The following INTS8 variants were observed in gnomAD, a reference collection of about 807,000 sequenced individuals.
INTS8 encodes protein kaonashi-1.
A neutral mutation model predicts 138.9 loss-of-function variants in INTS8; 47 were observed. The observed-to-expected ratio is 0.34, with a 90% CI of 0.27 to 0.43. INTS8 has a LOEUF of 0.43. INTS8 is among the 20% of genes least tolerant of loss of function. The pLI, the probability that INTS8 is intolerant of heterozygous loss-of-function variation, is 1.00. For synonymous variants in INTS8, 392 were observed against 400.9 expected (o/e 0.98, Z 0.27); for missense variants, 996 against 1,173.0 (o/e 0.85, Z 2.20).
chr8:94,838,596 G>A lies in INTS8; in HGVS notation c.995G>A (p.Cys332Tyr), dbSNP rs550816890. Residue 332 changes from cysteine (C) to tyrosine (Y), a missense_variant, in exon 8 of 27, where the codon TGT (cysteine) becomes TAT (tyrosine). Coordinates refer to ENST00000523731, the MANE Select transcript of INTS8 (RefSeq NM_017864.4). ...QLTPYSQVHI[C>Y]LRSGNYQEVI... ...ACTCCATATAGTCAAGTCCATATTT[G>A]TTTGAGATCTGGCAACTATCAGGTA... The A allele has an allele frequency of 1.9e-6, 3 of 1,612,974 alleles. 1 individual carries two copies. The Admixed American group carries it at 5.0e-5, about 27-fold the overall frequency.
At chr8:94,834,018 C>T (rs1336353772) in intron 6 of INTS8, among the ~76,000 whole-genome samples, 6 of 152,246 alleles carry the variant, frequency 3.9e-5, no homozygotes, top group South Asian at 4.1e-4. Flanking sequence ...GTGATCTGCC[C>T]GCCTCGGCCT....
At chr8:94,827,533 A>G in intron 3 of INTS8, 130 bp downstream of exon 3, 1 of 1,179,974 alleles carries the variant, frequency 8.5e-7, no homozygotes, top group Non-Finnish European at 1.2e-6. Flanking sequence ...CTGTGAGTCT[A>G]ATGGTGGAGA....
chr8:94,856,989 T>C lies in INTS8; in HGVS notation c.1954+11T>C. On this transcript the variant is annotated intron_variant, in intron 15 of 26. Coordinates refer to ENST00000523731, the MANE Select transcript of INTS8 (RefSeq NM_017864.4). Reference sequence around the variant, plus strand: ...AAATGAGGCTTCCTGGTAAGACTGGTTCACAAAGACAAATTTCAGAAACTC... The same window carrying C: ...AAATGAGGCTTCCTGGTAAGACTGGCTCACAAAGACAAATTTCAGAAACTC... The C allele has an allele frequency of 6.2e-7, 1 of 1,604,726 alleles. No individual in the cohort carries two copies. Among genetic ancestry groups the C allele is most frequent in the East Asian group, 2.2e-5 (1 of 44,812 alleles).
At chr8:94,863,022 T>A (rs1158199582) in intron 16 of INTS8, among the ~76,000 whole-genome samples, 1 of 152,240 alleles carries the variant, frequency 6.6e-6, no homozygotes, top group African/African-American at 2.4e-5. Context: ...AGAAAATTCT[T>A]AAGCATGTCA....
At chr8:94,862,413 G>A (rs1816024940) in intron 16 of INTS8, among the ~76,000 whole-genome samples, 1 of 152,334 alleles carries the variant, frequency 6.6e-6, no homozygotes, top group Admixed American at 6.5e-5. Flanking sequence ...GCTTGTCACT[G>A]AGTGCAAAGA....
intron 20 of INTS8, among the ~76,000 whole-genome samples, 194 bp from the exon 21 acceptor site, chr8:94,871,690 C>G (rs1308630964): frequency 6.6e-6 from 1 of 152,150 alleles, no homozygotes; most frequent in Non-Finnish European, 1.5e-5. Context: ...TTTTCAACCC[C>G]TCATAAAAAG....
intron 6 of INTS8, among the ~76,000 whole-genome samples, chr8:94,835,364 T>G (rs1331584358): frequency 6.6e-6 from 1 of 152,208 alleles, no homozygotes; most frequent in Non-Finnish European, 1.5e-5. Context: ...CAATATAAGC[T>G]TTTTGAAAAA....
At chr8:94,867,051 A>G in intron 18 of INTS8, 89 bp from the exon 19 acceptor site, 1 of 988,630 alleles carries the variant, frequency 1.0e-6, no homozygotes, top group Non-Finnish European at 1.5e-6. Context: ...AGGGTCTTTT[A>G]GAATGCTTGA....
At chr8:94,825,567 A>G (rs1255680005) in intron 2 of INTS8, among the ~76,000 whole-genome samples, 1 of 152,188 alleles carries the variant, frequency 6.6e-6, no homozygotes, top group African/African-American at 2.4e-5. Flanking sequence ...ACATATCTGA[A>G]GAAAATGAAT....
At chr8:94,869,707 G>C (rs1031718634) in intron 20 of INTS8, among the ~76,000 whole-genome samples, 4 of 152,030 alleles carry the variant, frequency 2.6e-5, no homozygotes, top group African/African-American at 9.7e-5. Context: ...TGGTCAGGCT[G>C]GTCTCAAACT....
At chr8:94,880,081 A>G (rs771277726) in intron 26 of INTS8, 37 bp from the exon 27 acceptor site, 10 of 1,421,122 alleles carry the variant, frequency 7.0e-6, no homozygotes, top group Non-Finnish European at 9.7e-6. Flanking sequence ...TTAATTTTTG[A>G]CACACCTCTA....
At chr8:94,874,931 G>A (rs1816520272) in intron 23 of INTS8, among the ~76,000 whole-genome samples, 1 of 152,158 alleles carries the variant, frequency 6.6e-6, no homozygotes, top group African/African-American at 2.4e-5. Flanking sequence ...CACTGGGATG[G>A]CTGTAATCTA....
chr8:94,871,670 A>G (rs1402921498), intron 20 of INTS8, among the ~76,000 whole-genome samples: 1 of 152,194 alleles, frequency 6.6e-6, no homozygotes, highest in Non-Finnish European at 1.5e-5. Context: ...AGAGAACAAA[A>G]ATCAGATTGT....
chr8:94,840,410 C>T (rs1815090357), intron 8 of INTS8, among the ~76,000 whole-genome samples: 1 of 152,066 alleles, frequency 6.6e-6, no homozygotes, highest in Non-Finnish European at 1.5e-5. Context: ...TCTTTCTTTC[C>T]TGCTCTTCCA....
chr8:94,853,048 T>C (rs1815609312), intron 13 of INTS8, among the ~76,000 whole-genome samples: 1 of 152,134 alleles, frequency 6.6e-6, no homozygotes, highest in African/African-American at 2.4e-5. Context: ...CAGTGGCTCA[T>C]TGCCTGTAAT....
chr8:94,861,049 T>C (rs1380668426), intron 16 of INTS8, among the ~76,000 whole-genome samples: 7 of 134,646 alleles, frequency 5.2e-5, no homozygotes, highest in African/African-American at 2.0e-4. Flanking sequence ...AGAGTGAGAC[T>C]CTGTCTCAAA....
chr8:94,849,577 A>T, intron 11 of INTS8, 45 bp downstream of exon 11: 3 of 1,158,030 alleles, frequency 2.6e-6, no homozygotes, highest in Non-Finnish European at 2.5e-6. Flanking sequence ...TTAACTTTGA[A>T]CTTAGTCCTG....
intron 8 of INTS8, among the ~76,000 whole-genome samples, chr8:94,841,186 C>G (rs1815121443): frequency 1.3e-5 from 2 of 152,110 alleles, no homozygotes; most frequent in African/African-American, 4.8e-5. Flanking sequence ...GCTCAGATTA[C>G]AAGCGTGAGC....
At chr8:94,825,923 G>GT (rs968163668) in intron 2 of INTS8, among the ~76,000 whole-genome samples, 20 of 152,012 alleles carry the variant, frequency 1.3e-4, no homozygotes, top group Middle Eastern at 3.4e-3. Flanking sequence ...TTTATTCCTG[G>GT]TTTTTTCACC....
Sources: gnomAD v4.1 joint callset for allele counts (sites outside exome capture counted in the v4.1 genomes callset) on GRCh38, gnomAD v4.1.1 for gene constraint, MANE v1.5 for transcripts, NCBI Gene and HGNC (gene_info 2026-07-23, HGNC 2026-07-21) for gene names.